The following KIRREL3 variants were observed in gnomAD, a reference collection of about 807,000 sequenced individuals.
KIRREL3 encodes kin of IRRE-like protein 3.
KIRREL3 carries 36 observed loss-of-function variants against 89.7 expected under a neutral mutation model. The ratio of observed to expected loss-of-function variants is 0.40; its 90% CI spans 0.31 to 0.53. KIRREL3 has a LOEUF of 0.53. KIRREL3 is among the 20% of genes least tolerant of loss of function. The pLI is 0.49. For synonymous variants in KIRREL3, 445 were observed against 441.4 expected (o/e 1.01, Z -0.10); for missense variants, 864 against 1,056.6 (o/e 0.82, Z 2.53).
Position 126,704,481 on chromosome 11 carries a change from C to G in KIRREL3, c.56-141569G>C, listed in dbSNP as rs1242443723. ...CAGTCTTGTCACTTAGAAGGTCTGT[C>G]TGAGAGACCTTGGTGGAGTGCAGCT... On this transcript the variant is annotated intron_variant, in intron 1 of 16. Transcript: ENST00000525144. This position sits in a 1 kb window ranked among gnomAD's most constrained non-coding sequence, Gnocchi z 4.2. Among the ~76,000 whole-genome samples the G allele has an allele frequency of 6.6e-6, 1 of 152,342 alleles. No individual in the cohort carries two copies. Among genetic ancestry groups the G allele is most frequent in the East Asian group, 1.9e-4 (1 of 5,190 alleles).
intron 1 of KIRREL3, among the ~76,000 whole-genome samples, chr11:126,986,254 C>A (rs897952960): frequency 2.6e-5 from 4 of 152,084 alleles, no homozygotes; most frequent in African/African-American, 9.7e-5. Flanking sequence ...GTGATGAGAA[C>A]ATTTTTTTTT....
chr11:126,527,364 C>T lies in KIRREL3; in HGVS notation c.134-677G>A, dbSNP rs1320154881. Among the ~76,000 whole-genome samples the T allele has an allele frequency of 6.6e-6, 1 of 152,146 alleles. No individual in the cohort carries two copies. The highest frequency in any genetic ancestry group is 1.5e-5 in the Non-Finnish European group (1 of 68,020). On this transcript the variant is annotated intron_variant, in intron 2 of 16. Coordinates refer to ENST00000525144, the MANE Select transcript of KIRREL3 (RefSeq NM_032531.4). The surrounding 1 kb of genome is among the most constrained non-coding windows in gnomAD (Gnocchi z 4.2). Reference sequence around the variant, plus strand: ...GGAAAAAATCATTATGGACACCATGCCTCCTCAAAACGAGATGGCCAGAAT... The same window carrying T: ...GGAAAAAATCATTATGGACACCATGTCTCCTCAAAACGAGATGGCCAGAAT...
At chr11:126,573,289 C>T (rs1166820033) in intron 1 of KIRREL3, among the ~76,000 whole-genome samples, 1 of 152,212 alleles carries the variant, frequency 6.6e-6, no homozygotes, top group Non-Finnish European at 1.5e-5. Flanking sequence ...AGGGAGGGCT[C>T]TCCAGCTCTC....
intron 1 of KIRREL3, among the ~76,000 whole-genome samples, chr11:126,929,168 A>G (rs900713095): frequency 6.6e-6 from 1 of 152,176 alleles, no homozygotes; most frequent in Non-Finnish European, 1.5e-5. Flanking sequence ...CAAGAGAGCA[A>G]AACATCTTGC....
At chr11:126,716,234 T>A (rs1318345252) in intron 1 of KIRREL3, among the ~76,000 whole-genome samples, 1 of 151,854 alleles carries the variant, frequency 6.6e-6, no homozygotes, top group African/African-American at 2.4e-5. Context: ...GGGAGGGAGC[T>A]GGAGAGCAAG....
chr11:126,749,566 G>A (rs966671407), intron 1 of KIRREL3, among the ~76,000 whole-genome samples: 12 of 152,086 alleles, frequency 7.9e-5, no homozygotes, highest in Middle Eastern at 3.4e-3. Context: ...AAAGGAAATA[G>A]GATCATTTTT....
In KIRREL3 at chr11:126,683,249, G is replaced by A. The variant is rs1946537538; in HGVS notation, c.56-120337C>T. On this transcript the variant is annotated intron_variant, in intron 1 of 16. Transcript: ENST00000525144. The surrounding 1 kb of genome is among the most constrained non-coding windows in gnomAD (Gnocchi z 5.2). ...TTTAAGAAGAACAAGAATAGTTTTG[G>A]GAGTTCTGGGAGCTACTTCCAAGGG... Among the ~76,000 whole-genome samples, 1 of 152,152 alleles carries A rather than the reference G, an allele frequency of 6.6e-6. No homozygotes were observed. Among genetic ancestry groups the A allele is most frequent in the Admixed American group, 6.5e-5 (1 of 15,282 alleles).
At chr11:126,478,734 T>C (rs1591608099) in intron 4 of KIRREL3, among the ~76,000 whole-genome samples, 3 of 152,194 alleles carry the variant, frequency 2.0e-5, no homozygotes, top group South Asian at 4.2e-4. Flanking sequence ...TGTGTATACA[T>C]GTGTATGTAA....
chr11:126,803,085 A>C (rs1442676217), intron 1 of KIRREL3, among the ~76,000 whole-genome samples: 1 of 152,210 alleles, frequency 6.6e-6, no homozygotes. Context: ...TGAGGAACTG[A>C]GAAGAGACTG....
intron 1 of KIRREL3, among the ~76,000 whole-genome samples, chr11:126,923,151 T>C (rs879629233): frequency 0.14 from 3,364 of 23,736 alleles, 417 homozygotes; most frequent in Middle Eastern, 0.29. Flanking sequence ...TTCTTCTTCT[T>C]CTTCTTCTTC....
Position 126,739,053 on chromosome 11 carries a change from A to C in KIRREL3, c.56-176141T>G, listed in dbSNP as rs1011338629. Among the ~76,000 whole-genome samples the C allele has an allele frequency of 6.6e-6, 1 of 152,258 alleles. No individual in the cohort carries two copies. Among genetic ancestry groups the C allele is most frequent in the Non-Finnish European group, 1.5e-5 (1 of 68,046 alleles). ...GGCGGGTATATATGATACAAACGGTACAAATGAAGAAACTGGCTTTCAGAG... is the reference window on the plus strand; with the variant it reads ...GGCGGGTATATATGATACAAACGGTCCAAATGAAGAAACTGGCTTTCAGAG... On this transcript the variant is annotated intron_variant, in intron 1 of 16. Transcript: ENST00000525144. The surrounding 1 kb of genome is among the most constrained non-coding windows in gnomAD (Gnocchi z 5.5).
chr11:126,768,162 A>G lies in KIRREL3; in HGVS notation c.56-205250T>C, dbSNP rs1949896229. Among the ~76,000 whole-genome samples, 1 of 129,836 alleles carries G rather than the reference A, an allele frequency of 7.7e-6. No homozygotes were observed. Among genetic ancestry groups the G allele is most frequent in the African/African-American group, 3.1e-5 (1 of 32,312 alleles). The allele number at this position is 129,836 out of a possible 152,430, so 85.2% of individuals were successfully genotyped here. Reference sequence around the variant, plus strand: ...CATCCATCCATCCATCCATCCATCCATCCATCCAATCCATCCATCCATCCA... The same window carrying G: ...CATCCATCCATCCATCCATCCATCCGTCCATCCAATCCATCCATCCATCCA... On this transcript the variant is annotated intron_variant, in intron 1 of 16. Transcript: ENST00000525144. This position sits in a 1 kb window ranked among gnomAD's most constrained non-coding sequence, Gnocchi z 4.5.
rs1223606451 is a variant in KIRREL3, at chr11:126,710,805, T to C, written c.56-147893A>G. Among the ~76,000 whole-genome samples the C allele has an allele frequency of 1.3e-5, 2 of 152,236 alleles. No individual in the cohort carries two copies. Among genetic ancestry groups the C allele is most frequent in the African/African-American group, 2.4e-5 (1 of 41,458 alleles). On this transcript the variant is annotated intron_variant, in intron 1 of 16. Transcript: ENST00000525144. This position sits in a 1 kb window ranked among gnomAD's most constrained non-coding sequence, Gnocchi z 4.2. Reference sequence around the variant, plus strand: ...TTATTAAGAACAGATCTACTACAGTTTGACAACTGCCACAAACACAAATCT... The same window carrying C: ...TTATTAAGAACAGATCTACTACAGTCTGACAACTGCCACAAACACAAATCT...
intron 11 of KIRREL3, among the ~76,000 whole-genome samples, chr11:126,437,450 TAC>T (rs913798423): frequency 1.3e-5 from 2 of 152,062 alleles, no homozygotes; most frequent in Non-Finnish European, 2.9e-5. Context: ...CACAGGTTTG[TAC>T]ACACACACCA....
At chr11:126,688,496 C>T (rs553360705) in intron 1 of KIRREL3, among the ~76,000 whole-genome samples, 4 of 152,154 alleles carry the variant, frequency 2.6e-5, no homozygotes, top group African/African-American at 7.2e-5. Flanking sequence ...AGGAGCTAAA[C>T]GTCAATATTG....
At chr11:126,956,810 T>C (rs1351384296) in intron 1 of KIRREL3, among the ~76,000 whole-genome samples, 1 of 152,192 alleles carries the variant, frequency 6.6e-6, no homozygotes, top group Non-Finnish European at 1.5e-5. Flanking sequence ...CAATGCACCG[T>C]TATGGCCTGC....
rs56182726 is a variant in KIRREL3 at position 126,476,539 on chromosome 11, C to T, written c.434-3073G>A. Among the ~76,000 whole-genome samples, 4,453 of 152,310 alleles carry T rather than the reference C, an allele frequency of 0.029. 96 individuals carry two copies. Among genetic ancestry groups the T allele is most frequent in the Non-Finnish European group, 0.041 (2,808 of 68,028 alleles). On this transcript the variant is annotated intron_variant, in intron 4 of 16. Transcript: ENST00000525144. This position sits in a 1 kb window ranked among gnomAD's most constrained non-coding sequence, Gnocchi z 6.4. ...AGGCACACGCACAGCCACGCACATA[C>T]ATCCACCCTCAGAATGGGGCCTGAT...
chr11:126,894,006 G>A (rs955603896), intron 1 of KIRREL3, among the ~76,000 whole-genome samples: 1 of 152,158 alleles, frequency 6.6e-6, no homozygotes, highest in Admixed American at 6.5e-5. Flanking sequence ...GTATGACAGT[G>A]TTGAGATTCA....
Position 126,690,725 on chromosome 11 carries a change from G to A in KIRREL3, c.56-127813C>T, listed in dbSNP as rs560944675. ...TAAGGACAAGGCCTTAGAAAGTTTC[G>A]TCTACAATAAAGAAGCTTTTATCTG... On this transcript the variant is annotated intron_variant, in intron 1 of 16. Coordinates refer to ENST00000525144, the MANE Select transcript of KIRREL3 (RefSeq NM_032531.4). Among the ~76,000 whole-genome samples the A allele has an allele frequency of 1.6e-4, 24 of 152,280 alleles. 1 individual carries two copies. The highest frequency in any genetic ancestry group is 5.3e-4 in the African/African-American group (22 of 41,576).
Sources: gnomAD v4.1 joint callset for allele counts (sites outside exome capture counted in the v4.1 genomes callset) on GRCh38, gnomAD v4.1.1 for gene constraint, Gnocchi (gnomAD v3.1) non-coding constraint, MANE v1.5 for transcripts, NCBI Gene and HGNC (gene_info 2026-07-23, HGNC 2026-07-21) for gene names.